The following ACCSL variants were observed in gnomAD, a reference collection of about 807,000 sequenced individuals.
ACCSL encodes the protein 1-aminocyclopropane-1-carboxylate synthase homolog (inactive) like.
ACCSL carries 55 observed loss-of-function variants against 61.7 expected under a neutral mutation model. The ratio of observed to expected loss-of-function variants is 0.89; its 90% CI spans 0.72 to 1.12. The LOEUF is 1.12. ACCSL is among the 50% of genes most tolerant of loss of function. The probability of loss-of-function intolerance (pLI) is 0.00; values close to 1 mark genes in which losing one functional copy is unlikely to be tolerated. For missense variants in ACCSL, 632 were observed against 698.0 expected (o/e 0.91, Z 1.07); for synonymous variants, 258 against 264.3 (o/e 0.98, Z 0.23).
chr11:44,028,862 G>A, the ACCSL span, among the ~76,000 whole-genome samples: 1 of 152,244 alleles, frequency 6.6e-6, no homozygotes, highest in Non-Finnish European at 1.5e-5. Flanking sequence ...AAGCCACAAA[G>A]TAGTAGAAAA....
At chr11:44,014,821 C>T in the ACCSL span, among the ~76,000 whole-genome samples, 1 of 152,204 alleles carries the variant, frequency 6.6e-6, no homozygotes, top group East Asian at 1.9e-4. Flanking sequence ...CGTGGAGAGA[C>T]ACCTGGTGAG....
the ACCSL span, chr11:43,944,157 G>A: frequency 3.1e-6 from 1 of 321,536 alleles, no homozygotes. Context: ...CAGGAGGGGC[G>A]GAGGCAGAGC....
chr11:43,941,148 C>T, the ACCSL span, among the ~76,000 whole-genome samples: 1 of 152,120 alleles, frequency 6.6e-6, no homozygotes, highest in Non-Finnish European at 1.5e-5. Flanking sequence ...TTATTATTGC[C>T]CTTCTGGTGG....
At chr11:43,949,688 G>A in the ACCSL span, among the ~76,000 whole-genome samples, 3 of 152,094 alleles carry the variant, frequency 2.0e-5, no homozygotes, top group East Asian at 1.9e-4. Flanking sequence ...GGTGGCACAC[G>A]CCTGTAATCC....
chr11:43,930,530 T>G, the ACCSL span, among the ~76,000 whole-genome samples: 1 of 152,288 alleles, frequency 6.6e-6, no homozygotes, highest in African/African-American at 2.4e-5. Flanking sequence ...AACAGCCAGG[T>G]ATCGCTCTTG....
chr11:44,052,350 G>C (rs778078778), intron 5 of ACCSL, among the ~76,000 whole-genome samples: 3 of 152,206 alleles, frequency 2.0e-5, no homozygotes, highest in Non-Finnish European at 2.9e-5. Context: ...AGACTTTCCT[G>C]ATAACCATTG....
At chr11:44,009,109 A>C in the ACCSL span, among the ~76,000 whole-genome samples, 5 of 152,202 alleles carry the variant, frequency 3.3e-5, no homozygotes, top group Non-Finnish European at 5.9e-5. Flanking sequence ...TCGAGGGTGC[A>C]GTGAGCTGTG....
chr11:43,982,495 C>G, the ACCSL span, among the ~76,000 whole-genome samples: 1 of 152,084 alleles, frequency 6.6e-6, no homozygotes, highest in South Asian at 2.1e-4. Context: ...CCCAAAGTGG[C>G]AAGGCCCTCT....
chr11:43,963,031 A>G, the ACCSL span, among the ~76,000 whole-genome samples: 8 of 152,230 alleles, frequency 5.3e-5, no homozygotes, highest in Middle Eastern at 3.4e-3. Context: ...TTTCCTTTCC[A>G]TATTCCTCCA....
the ACCSL span, chr11:43,943,204 G>A: frequency 6.6e-7 from 1 of 1,526,262 alleles, no homozygotes; most frequent in Non-Finnish European, 8.8e-7. This position sits in a 1 kb window ranked among gnomAD's most constrained non-coding sequence, Gnocchi z 4.8. Flanking sequence ...TGTCGCTGCA[G>A]CGGGAGCAGC....
Position 44,059,923 on chromosome 11 carries a change from C to A in ACCSL, c.*3C>A. 1 of 1,613,138 alleles carries A rather than the reference C, an allele frequency of 6.2e-7. No homozygotes were observed. The highest frequency in any genetic ancestry group is 1.1e-5 in the South Asian group (1 of 90,992). On this transcript the variant is annotated 3_prime_UTR_variant, in exon 14 of 14. Transcript: ENST00000378832. Reference sequence around the variant, plus strand: ...TGGAGGATGCAATGAGGGAGTAGGCCGTCTGCCTCCCAACCAGCAGTTCCA... The same window carrying A: ...TGGAGGATGCAATGAGGGAGTAGGCAGTCTGCCTCCCAACCAGCAGTTCCA...
rs765501103 is a variant in ACCSL, at chr11:44,050,508, G to C, written c.565-44G>C. The C allele has an allele frequency of 3.3e-5, 53 of 1,589,292 alleles. 1 individual carries two copies. The South Asian group carries it at 5.5e-4, about 16-fold the overall frequency. ...AACTAGGAGTAGAATGAGGCCTCTT[G>C]AACTTCCCTGGCCTACCTGTCTTCA... On this transcript the variant is annotated intron_variant, in intron 2 of 13. Coordinates refer to ENST00000378832, the MANE Select transcript of ACCSL (RefSeq NM_001031854.2).
the ACCSL span, among the ~76,000 whole-genome samples, chr11:43,936,883 C>G: frequency 3.3e-5 from 5 of 152,078 alleles, no homozygotes; most frequent in Admixed American, 1.3e-4. Context: ...TTTCCCCACC[C>G]CCCCCTCCTG....
At chr11:44,048,970 T>C (rs1256055501) in intron 1 of ACCSL, among the ~76,000 whole-genome samples, 2 of 152,158 alleles carry the variant, frequency 1.3e-5, no homozygotes, top group Non-Finnish European at 2.9e-5. Flanking sequence ...GTGATGGCCA[T>C]GGCCATGACC....
At chr11:43,961,756 G>A in the ACCSL span, among the ~76,000 whole-genome samples, 1 of 151,810 alleles carries the variant, frequency 6.6e-6, no homozygotes, top group African/African-American at 2.4e-5. Context: ...TCTTTCTGAT[G>A]CAGGAAAATA....
At chr11:43,996,369 A>C in the ACCSL span, among the ~76,000 whole-genome samples, 8 of 152,332 alleles carry the variant, frequency 5.3e-5, no homozygotes, top group Admixed American at 1.3e-4. Context: ...GAGGGGCGTC[A>C]GTGGCTGTGG....
chr11:43,921,600 A>G, the ACCSL span, among the ~76,000 whole-genome samples: 7 of 152,332 alleles, frequency 4.6e-5, no homozygotes, highest in East Asian at 1.3e-3. Flanking sequence ...TAGGAAATTT[A>G]TCTTCCATTC....
the ACCSL span, among the ~76,000 whole-genome samples, chr11:43,946,741 G>A: frequency 6.6e-6 from 1 of 152,158 alleles, no homozygotes; most frequent in South Asian, 2.1e-4. Flanking sequence ...ATTTGTCCCA[G>A]TTTCTTAGTT....
intron 11 of ACCSL, among the ~76,000 whole-genome samples, chr11:44,056,569 A>G (rs758335659): frequency 4.6e-5 from 7 of 152,198 alleles, no homozygotes; most frequent in Admixed American, 2.0e-4. Flanking sequence ...ATGGTGGCTC[A>G]CGCCTGTAAT....
Sources: allele counts gnomAD v4.1 joint callset (sites outside exome capture counted in the v4.1 genomes callset), GRCh38; gene constraint gnomAD v4.1.1; non-coding constraint Gnocchi (gnomAD v3.1); transcripts MANE v1.5; gene names NCBI Gene and HGNC (gene_info 2026-07-23, HGNC 2026-07-21).